The following CYP19A1 variants were observed in gnomAD, a reference collection of about 807,000 sequenced individuals.
CYP19A1 encodes cytochrome P450 family 19 subfamily A member 1, also known as aromatase.
Under a neutral mutation model 44.4 loss-of-function variants are expected in CYP19A1, and 32 were observed. That is an observed-to-expected ratio of 0.72 (90% CI 0.54 to 0.97). The LOEUF (loss-of-function observed/expected upper bound fraction) is 0.97. CYP19A1 is among the 50% of genes least tolerant of loss of function. The pLI, the probability that CYP19A1 is intolerant of heterozygous loss-of-function variation, is 0.00. For missense variants in CYP19A1, 598 were observed against 637.8 expected (o/e 0.94, Z 0.67); for synonymous variants, 212 against 215.6 (o/e 0.98, Z 0.14).
In CYP19A1 at chr15:51,338,518, A is replaced by T. The variant is rs2044342709; in HGVS notation, c.-62T>A. The T allele has an allele frequency of 6.6e-6, 1 of 152,234 alleles. No homozygotes were observed. The highest frequency in any genetic ancestry group is 2.4e-5 in the African/African-American group (1 of 41,438). The allele number at this position is 152,234 out of a possible 1,614,324, so 9.4% of individuals were successfully genotyped here. ...ACGCGACGTCTGGAAGATCCCGAGC[A>T]CAGGACCTTCCGTCCTGATAGGATA... On this transcript the variant is annotated 5_prime_UTR_variant, in exon 1 of 10. Coordinates refer to ENST00000396402, the MANE Select transcript of CYP19A1 (RefSeq NM_000103.4).
chr15:51,332,396 C>T (rs757771433), intron 1 of CYP19A1, among the ~76,000 whole-genome samples: 3 of 152,246 alleles, frequency 2.0e-5, no homozygotes, highest in Non-Finnish European at 4.4e-5. Context: ...TTCACTTCCC[C>T]TCTTTCTCCT....
rs368480542 is a variant in CYP19A1 at position 51,215,813 on chromosome 15, C to A, written c.748G>T (p.Asp250Tyr). The A allele has an allele frequency of 3.7e-6, 6 of 1,613,566 alleles. No homozygotes were observed. The East Asian group carries it at 8.9e-5, about 24-fold the overall frequency. Residue 250 changes from aspartate (D) to tyrosine (Y), a missense_variant, in exon 7 of 10, where the codon GAT becomes TAT. Asp to Tyr is a radical substitution (Grantham distance 160). Transcript: ENST00000396402. The stretch of plus-strand genomic sequence containing the variant: ...AGAACTTCTATGGCATCTTTCAAAT[C>A]CTTGCTGGAAAAAAAGTCAAAATAT... ...LYKKYEKSVK[D>Y]LKDAIEVLIA...
At chr15:51,212,929 A>G (rs1461951918) in intron 8 of CYP19A1, among the ~76,000 whole-genome samples, 3 of 152,084 alleles carry the variant, frequency 2.0e-5, no homozygotes, top group Non-Finnish European at 4.4e-5. Flanking sequence ...ACCACACCCA[A>G]TCTGCTTCAA....
intron 1 of CYP19A1, among the ~76,000 whole-genome samples, chr15:51,258,661 C>A (rs1184896057): frequency 6.6e-6 from 1 of 152,174 alleles, no homozygotes; most frequent in Non-Finnish European, 1.5e-5. Flanking sequence ...CTTCCCCCAT[C>A]TATTCCCTCC....
chr15:51,332,184 A>G (rs970392340), intron 1 of CYP19A1, among the ~76,000 whole-genome samples: 4 of 152,116 alleles, frequency 2.6e-5, no homozygotes, highest in African/African-American at 4.8e-5. Flanking sequence ...TGGGAGCTCT[A>G]GTCTAGTTTT....
At chr15:51,253,758 C>T (rs890625925) in intron 1 of CYP19A1, among the ~76,000 whole-genome samples, 1 of 152,186 alleles carries the variant, frequency 6.6e-6, no homozygotes, top group Non-Finnish European at 1.5e-5. Flanking sequence ...GTTTGGCACA[C>T]TCTCAGCTCT....
chr15:51,243,724 A>G (rs1595713925), intron 1 of CYP19A1, among the ~76,000 whole-genome samples: 1 of 152,246 alleles, frequency 6.6e-6, no homozygotes, highest in East Asian at 1.9e-4. Context: ...GCCACCAGCA[A>G]TAGGCTCAGG....
chr15:51,315,178 G>A (rs2141016308), intron 1 of CYP19A1, among the ~76,000 whole-genome samples: 1 of 152,028 alleles, frequency 6.6e-6, no homozygotes, highest in South Asian at 2.1e-4. Context: ...CTACCTTGCT[G>A]GTTGTGTTTC....
rs1303035876 is a variant in CYP19A1, at chr15:51,317,892, T to C, written c.-39+20603A>G. On this transcript the variant is annotated intron_variant, in intron 1 of 9. Transcript: ENST00000396402. ...CTGACACTTGGTCCAGTGCTATCCT[T>C]CAATTCTGTGCTCTTTGAGAGAATC... 2.0e-5 allele frequency among the ~76,000 whole-genome samples: 3 copies of C among 152,180 alleles called. No individual in the cohort carries two copies. In the East Asian group the frequency reaches 5.8e-4, roughly 29 times the overall value.
At chr15:51,336,214 T>C (rs2036772577) in intron 1 of CYP19A1, among the ~76,000 whole-genome samples, 1 of 152,214 alleles carries the variant, frequency 6.6e-6, no homozygotes, top group South Asian at 2.1e-4. Flanking sequence ...TATTGTTTGG[T>C]AAATCTGTCT....
In CYP19A1 at chr15:51,279,786, A is replaced by G. The variant is rs1240017536; in HGVS notation, c.-38-36836T>C. On this transcript the variant is annotated intron_variant, in intron 1 of 9. Coordinates refer to ENST00000396402, the MANE Select transcript of CYP19A1 (RefSeq NM_000103.4). ...ATGTCTGGGTATACAGTTGCTGCCT[A>G]GCACCTGCTAGGTGAAGGAATGAGA... 8.5e-5 allele frequency: 13 copies of G among 152,370 alleles called. 1 individual carries two copies. In the East Asian group the frequency reaches 2.5e-3, roughly 29 times the overall value. 9.4% of individuals were successfully genotyped at this position (152,370 alleles called of 1,614,324 possible). A position where few individuals can be genotyped will look rare whatever the true frequency, so the allele number is the denominator to read the frequency against.
chr15:51,271,041 G>A (rs1288047937), intron 1 of CYP19A1, among the ~76,000 whole-genome samples: 7 of 122,584 alleles, frequency 5.7e-5, no homozygotes, highest in African/African-American at 2.1e-4. Context: ...GCAAGTCTAA[G>A]CATTTTTTTT....
chr15:51,317,122 G>A (rs915084306), intron 1 of CYP19A1, among the ~76,000 whole-genome samples: 2 of 98,876 alleles, frequency 2.0e-5, no homozygotes, highest in Admixed American at 1.1e-4. Context: ...TTTTTTTTTT[G>A]ACAGAGTCTC....
At position 51,229,864 on chromosome 15, in the gene CYP19A1, A is replaced by G. The variant is rs566108001; in HGVS notation, c.297-1931T>C. Among the ~76,000 whole-genome samples the G allele has an allele frequency of 3.3e-5, 5 of 152,376 alleles. No individual in the cohort carries two copies. The South Asian group carries it at 1.0e-3, about 32-fold the overall frequency. On this transcript the variant is annotated intron_variant, in intron 3 of 9. Coordinates refer to ENST00000396402, the MANE Select transcript of CYP19A1 (RefSeq NM_000103.4). ...CCTGGGGCTTTTGCATACTGCATTA[A>G]TCATATTGGCCTGTCCATTTCATTT...
chr15:51,250,792 C>G (rs762070030), intron 1 of CYP19A1, among the ~76,000 whole-genome samples: 2 of 138,402 alleles, frequency 1.4e-5, no homozygotes, highest in East Asian at 4.1e-4. Flanking sequence ...GTTCCAGGAA[C>G]AGCAGTCATT....
chr15:51,323,944 C>G (rs1014024129), intron 1 of CYP19A1: 6 of 152,254 alleles, frequency 3.9e-5, no homozygotes, highest in Admixed American at 6.5e-5. Context: ...GACAACGGGA[C>G]TCTGTGCCAG....
chr15:51,329,136 C>T (rs2036659590), intron 1 of CYP19A1, among the ~76,000 whole-genome samples: 1 of 152,164 alleles, frequency 6.6e-6, no homozygotes, highest in South Asian at 2.1e-4. Context: ...CTGAAAAACC[C>T]CGACTAATAC....
Position 51,236,913 on chromosome 15 carries a change from T to C in CYP19A1, c.242A>G (p.Tyr81Cys), listed in dbSNP as rs199845027. 3.8e-5 allele frequency: 62 copies of C among 1,614,184 alleles called. No homozygotes were observed. Among genetic ancestry groups the C allele is most frequent in the Admixed American group, 3.5e-4 (21 of 60,034 alleles). Reference sequence around the variant, plus strand: ...GATCCAGACTCGCATGAATTCTCCATATACCCGGTTGTAGTAGTTGCAGGC... The same window carrying C: ...GATCCAGACTCGCATGAATTCTCCACATACCCGGTTGTAGTAGTTGCAGGC... ...GSACNYYNRV[Y>C]GEFMRVWISG... The change falls in exon 3 of 10, where the codon TAT becomes TGT. Residue 81 changes from tyrosine to cysteine, a missense_variant. Coordinates refer to ENST00000396402, the MANE Select transcript of CYP19A1 (RefSeq NM_000103.4).
At position 51,305,600 on chromosome 15, in the gene CYP19A1, G is replaced by T. The variant is rs139119540; in HGVS notation, c.-39+32895C>A. On this transcript the variant is annotated intron_variant, in intron 1 of 9. Transcript: ENST00000396402. ...TTTTGAGACAGAGTCTCACTCTGTCGCCCAGGATGGAGTGCAATGGTGCAA... is the reference window on the plus strand; with the variant it reads ...TTTTGAGACAGAGTCTCACTCTGTCTCCCAGGATGGAGTGCAATGGTGCAA... Among the ~76,000 whole-genome samples, 931 of 152,134 alleles carry T rather than the reference G, an allele frequency of 6.1e-3. 13 individuals are homozygous for T. The highest frequency in any genetic ancestry group is 0.022 in the African/African-American group (900 of 41,498).
Sources: allele counts gnomAD v4.1 joint callset (sites outside exome capture counted in the v4.1 genomes callset), GRCh38; gene constraint gnomAD v4.1.1; transcripts MANE v1.5; gene names NCBI Gene and HGNC (gene_info 2026-07-23, HGNC 2026-07-21).